GALNT9: variants seen among roughly 807,000 people sequenced by gnomAD.
GALNT9 encodes the protein polypeptide N-acetylgalactosaminyltransferase 9.
Under a neutral mutation model 63.1 loss-of-function variants are expected in GALNT9, and 47 were observed. That is an observed-to-expected ratio of 0.75 (90% CI 0.59 to 0.95). The LOEUF is 0.95. Among genes scored for constraint, GALNT9 ranks in the 40% least tolerant of loss-of-function variants. The pLI is 0.00. For synonymous variants in GALNT9, 396 were observed against 365.7 expected, an observed-to-expected ratio of 1.08 and a Z score of -0.94; for missense variants, 829 against 874.8, an observed-to-expected ratio of 0.95 and a Z score of 0.66.
chr12:132,254,305 C>T (rs1202979646), intron 5 of GALNT9, among the ~76,000 whole-genome samples: 1 of 152,222 alleles, frequency 6.6e-6, no homozygotes, highest in African/African-American at 2.4e-5. Context: ...CCACTGCACC[C>T]GGCCCCTCCG....
chr12:132,328,772 G>A (rs930494618), intron 1 of GALNT9, among the ~76,000 whole-genome samples, 194 bp downstream of exon 1: 5 of 152,222 alleles, frequency 3.3e-5, no homozygotes, highest in African/African-American at 1.2e-4. Flanking sequence ...GTGGGTGCCC[G>A]GTGCGGGGGG....
chr12:132,308,233 A>G (rs1489858308), intron 1 of GALNT9, among the ~76,000 whole-genome samples: 2 of 152,188 alleles, frequency 1.3e-5, no homozygotes, highest in East Asian at 1.9e-4. Context: ...AGCCCTGCCC[A>G]TAGCTCAGCT....
chr12:132,244,260 G>C lies in GALNT9; in HGVS notation c.1077+3650C>G, dbSNP rs1555237804. Among the ~76,000 whole-genome samples, 215 of 73,390 alleles carry C rather than the reference G, an allele frequency of 2.9e-3. 4 individuals are homozygous for C. Among genetic ancestry groups the C allele is most frequent in the African/African-American group, 0.013 (202 of 15,372 alleles). 48.1% of individuals were successfully genotyped at this position (73,390 alleles called of 152,430 possible). A position where few individuals can be genotyped will look rare whatever the true frequency, so the allele number is the denominator to read the frequency against. On this transcript the variant is annotated intron_variant, in intron 6 of 10. Transcript: ENST00000328957. ...GGGCCCGGCAGGGCTGGGGCTAGACGGGGGATGTGGTGATGGGGCTGGACG... is the reference window on the plus strand; with the variant it reads ...GGGCCCGGCAGGGCTGGGGCTAGACCGGGGATGTGGTGATGGGGCTGGACG...
chr12:132,286,361 A>G lies in GALNT9; in HGVS notation c.308T>C (p.Leu103Pro). Residue 103 changes from leucine (L) to proline (P), a missense_variant, in exon 2 of 11, where the codon CTG becomes CCG. Coordinates refer to ENST00000328957, the MANE Select transcript of GALNT9 (RefSeq NM_001122636.2). This position sits in a 1 kb window ranked among gnomAD's most constrained non-coding sequence, Gnocchi z 7.4. Reference protein sequence around the residue: ...GLGQGGLAATLRDDGQEAEGK... With the variant: ...GLGQGGLAATPRDDGQEAEGK... ...TTCCGCCTCCTGGCCGTCATCACGC[A>G]GGGTGGCCGCCAAGCCACCCTGGCC... 4 of 1,550,750 alleles carry G rather than the reference A, an allele frequency of 2.6e-6. No homozygotes were observed. Among genetic ancestry groups the G allele is most frequent in the South Asian group, 2.4e-5 (2 of 84,044 alleles).
At position 132,201,220 on chromosome 12, in the gene GALNT9, G is replaced by T; in HGVS notation, c.1305C>A (p.Ala435=). ...TGCGACACTTCAGCCTCTGACGCAG[G>T]GCCAGCCTCTCAGACACGTCCCCGA... The part of the protein sequence containing the change: ...VDFGDVSERL[A]LRQRLKCRSF... Residue 435 remains alanine (A), a synonymous_variant, in exon 8 of 11, where the codon GCC becomes GCA. Transcript: ENST00000328957. The T allele has an allele frequency of 6.2e-7, 1 of 1,613,062 alleles. No individual in the cohort carries two copies.
chr12:132,239,403 GAC>G (rs1217705178), intron 6 of GALNT9, among the ~76,000 whole-genome samples: 52 of 151,550 alleles, frequency 3.4e-4, no homozygotes, highest in Middle Eastern at 3.4e-3. Context: ...CAGAAAGAGA[GAC>G]ACACACTGAG....
At position 132,238,590 on chromosome 12, in the gene GALNT9, G is replaced by A. The variant is rs1555236547; in HGVS notation, c.1077+9320C>T. ...CCCTAGGGATGGGGACTCCTGGCCT[G>A]GCTGACCTGCACCTGGGCCAGTGGA... On this transcript the variant is annotated intron_variant, in intron 6 of 10. Coordinates refer to ENST00000328957, the MANE Select transcript of GALNT9 (RefSeq NM_001122636.2). This position sits in a 1 kb window ranked among gnomAD's most constrained non-coding sequence, Gnocchi z 6.5. Among the ~76,000 whole-genome samples, 1 of 152,176 alleles carries A rather than the reference G, an allele frequency of 6.6e-6. No individual in the cohort carries two copies. The highest frequency in any genetic ancestry group is 1.9e-4 in the East Asian group (1 of 5,190).
rs769610764 is a variant in GALNT9 at position 132,201,185 on chromosome 12, C to T, written c.1340G>A (p.Trp447Ter). Residue 447 changes from tryptophan (W) to a stop codon, truncating the protein, a stop_gained, in exon 8 of 11, where the codon TGG becomes TAG. Coordinates refer to ENST00000328957, the MANE Select transcript of GALNT9 (RefSeq NM_001122636.2). LOFTEE classifies it high-confidence loss of function. ...RQRLKCRSFK[W>*]YLENVYPEMR... ...CTCCGGGTACACGTTCTCCAGGTACCACTTGAAGCTGCGACACTTCAGCCT... is the reference window on the plus strand; with the variant it reads ...CTCCGGGTACACGTTCTCCAGGTACTACTTGAAGCTGCGACACTTCAGCCT... 2 of 1,613,098 alleles carry T rather than the reference C, an allele frequency of 1.2e-6. No homozygotes were observed. Among genetic ancestry groups the T allele is most frequent in the Non-Finnish European group, 1.7e-6 (2 of 1,179,482 alleles).
In GALNT9 at chr12:132,248,070, C is replaced by T. The variant is rs576238341; in HGVS notation, c.960-43G>A. ...CGGCGTGAGGACCTCGCCATGCAGG[C>T]CTGAGCCCTGCCTGCTGGGCCATGA... On this transcript the variant is annotated intron_variant, in intron 5 of 10. Transcript: ENST00000328957. 37 of 1,519,992 alleles carry T rather than the reference C, an allele frequency of 2.4e-5. 1 individual carries two copies. In the East Asian group the frequency reaches 6.4e-4, roughly 26 times the overall value. 94.2% of individuals were successfully genotyped at this position (1,519,992 alleles called of 1,614,324 possible). A position where few individuals can be genotyped will look rare whatever the true frequency, so the allele number is the denominator to read the frequency against.
rs116372865 is a variant in GALNT9 at position 132,245,702 on chromosome 12, C to G, written c.1077+2208G>C. Among the ~76,000 whole-genome samples the G allele has an allele frequency of 3.8e-3, 582 of 152,382 alleles. 4 individuals carry two copies. The highest frequency in any genetic ancestry group is 0.013 in the African/African-American group (556 of 41,596). On this transcript the variant is annotated intron_variant, in intron 6 of 10. Coordinates refer to ENST00000328957, the MANE Select transcript of GALNT9 (RefSeq NM_001122636.2). This position sits in a 1 kb window ranked among gnomAD's most constrained non-coding sequence, Gnocchi z 6.3. ...CCACCACACAGGTTCGCTGTCGTCC[C>G]GGCTTTGCTCTGAGCCTGAGCCTGG...
rs1050041398 is a variant in GALNT9, at chr12:132,257,972, C to T, written c.762-86G>A. 23 of 884,986 alleles carry T rather than the reference C, an allele frequency of 2.6e-5. No individual in the cohort carries two copies. The African/African-American group carries it at 3.5e-4, about 13-fold the overall frequency. 54.8% of individuals were successfully genotyped at this position (884,986 alleles called of 1,614,324 possible). The stretch of plus-strand genomic sequence containing the variant: ...CCACTCGCCCACAGGGAGGGGAGGC[C>T]AGTCCCCACCTGGTCTGCATCTAGC... On this transcript the variant is annotated intron_variant, in intron 4 of 10. Transcript: ENST00000328957.
chr12:132,239,681 GAGAC>G (rs1878168938), intron 6 of GALNT9, among the ~76,000 whole-genome samples: 1 of 151,972 alleles, frequency 6.6e-6, no homozygotes, highest in African/African-American at 2.4e-5. Flanking sequence ...GAGAGACAAA[GAGAC>G]AGAGATACAG....
rs1392387485 is a variant in GALNT9, at chr12:132,286,192, TG to T, written c.419+57del. On this transcript the variant is annotated intron_variant, in intron 2 of 10. Transcript: ENST00000328957. The surrounding 1 kb of genome is among the most constrained non-coding windows in gnomAD (Gnocchi z 7.4). ...GGGGCAGTCACTTCCCTGGCCAGTG[TG>T]GGGGGCGGTCACTTCCTCGGCGGGC... The T allele has an allele frequency of 2.9e-6, 4 of 1,388,876 alleles. No homozygotes were observed. The highest frequency in any genetic ancestry group is 1.3e-5 in the South Asian group (1 of 74,238). 86.0% of individuals were successfully genotyped at this position (1,388,876 alleles called of 1,614,324 possible).
intron 2 of GALNT9, among the ~76,000 whole-genome samples, chr12:132,267,817 T>TCA (rs781940616): frequency 9.4e-4 from 59 of 62,760 alleles, no homozygotes; most frequent in Non-Finnish European, 1.1e-3. Context: ...ACACACGCAC[T>TCA]CACACATGCA....
At chr12:132,270,750 G>A (rs1007261499) in intron 2 of GALNT9, among the ~76,000 whole-genome samples, 3 of 152,210 alleles carry the variant, frequency 2.0e-5, no homozygotes, top group South Asian at 4.1e-4. Context: ...CACCCTGCAA[G>A]GGATGCCAGG....
Position 132,247,900 on chromosome 12 carries a change from C to A in GALNT9, c.1077+10G>T. On this transcript the variant is annotated intron_variant, in intron 6 of 10. Transcript: ENST00000328957. ...CTCACCCTGTCCCTGGACACCGGGGCCGCACTCACCCTCATGCCCAGTTCT... is the reference window on the plus strand; with the variant it reads ...CTCACCCTGTCCCTGGACACCGGGGACGCACTCACCCTCATGCCCAGTTCT... 1.3e-6 allele frequency: 2 copies of A among 1,551,264 alleles called. No homozygotes were observed. The highest frequency in any genetic ancestry group is 1.7e-6 in the Non-Finnish European group (2 of 1,146,962).
intron 1 of GALNT9, among the ~76,000 whole-genome samples, chr12:132,287,051 G>A (rs1391707964): frequency 2.6e-5 from 3 of 115,474 alleles, no homozygotes; most frequent in Non-Finnish European, 3.5e-5. Flanking sequence ...GTGTGACACT[G>A]AGTGAGCGCC....
chr12:132,322,992 C>A (rs1014744951), intron 1 of GALNT9, among the ~76,000 whole-genome samples: 1 of 152,084 alleles, frequency 6.6e-6, no homozygotes, highest in African/African-American at 2.4e-5. Context: ...CGTGCGTCAG[C>A]CTTGCCCCCT....
rs148420063 is a variant in GALNT9 at position 132,237,076 on chromosome 12, C to T, written c.1077+10834G>A. ...CCTCCATCTCTCAGGGAGCCCAGGG[C>T]TGCCCTGACCCCAGTGTGGAGCGGC... On this transcript the variant is annotated intron_variant, in intron 6 of 10. Coordinates refer to ENST00000328957, the MANE Select transcript of GALNT9 (RefSeq NM_001122636.2). Among the ~76,000 whole-genome samples, 468 of 152,250 alleles carry T rather than the reference C, an allele frequency of 3.1e-3. 1 individual carries two copies. The highest frequency in any genetic ancestry group is 5.1e-3 in the Non-Finnish European group (347 of 68,022).
Sources: allele counts gnomAD v4.1 joint callset (sites outside exome capture counted in the v4.1 genomes callset), GRCh38; gene constraint gnomAD v4.1.1; non-coding constraint Gnocchi (gnomAD v3.1); transcripts MANE v1.5; gene names NCBI Gene and HGNC (gene_info 2026-07-23, HGNC 2026-07-21).